The following USP42 variants were observed in gnomAD, a reference collection of about 807,000 sequenced individuals.
USP42 encodes ubiquitin carboxyl-terminal hydrolase 42.
USP42 carries 23 observed loss-of-function variants against 113.0 expected under a neutral mutation model. The observed-to-expected ratio is 0.20, with a 90% CI of 0.15 to 0.29. The LOEUF (loss-of-function observed/expected upper bound fraction) is 0.29. USP42 is among the 10% of genes least tolerant of loss of function. The probability of loss-of-function intolerance (pLI) is 1.00; values close to 1 mark genes in which losing one functional copy is unlikely to be tolerated. For missense variants in USP42, 2,174 were observed against 1,779.8 expected (o/e 1.22, Z -3.99); for synonymous variants, 933 against 699.0 (o/e 1.33, Z -5.28).
At position 6,157,946 on chromosome 7, in the gene USP42, G is replaced by A. The variant is rs754105113; in HGVS notation, c.3943+891G>A. Among the ~76,000 whole-genome samples, 4 of 152,156 alleles carry A rather than the reference G, an allele frequency of 2.6e-5. No homozygotes were observed. The highest frequency in any genetic ancestry group is 1.9e-4 in the East Asian group (1 of 5,186). ...CCTCTCCCGTTGGTGTCCGGTGACC[G>A]CTCACCCTCGAGAGGAGCTGTGAGC... On this transcript the variant is annotated intron_variant, in intron 16 of 17. Coordinates refer to ENST00000306177, the MANE Select transcript of USP42 (RefSeq NM_032172.3). This position sits in a 1 kb window ranked among gnomAD's most constrained non-coding sequence, Gnocchi z 4.1.
intron 6 of USP42, 113 bp downstream of exon 6, chr7:6,140,308 C>G (rs1781367175): frequency 3.1e-6 from 3 of 962,890 alleles, no homozygotes; most frequent in Non-Finnish European, 4.7e-6. Flanking sequence ...TCTCTCCAGC[C>G]CAGATTCTCA....
chr7:6,134,432 C>T (rs761867418), intron 3 of USP42, among the ~76,000 whole-genome samples: 1 of 152,038 alleles, frequency 6.6e-6, no homozygotes, highest in Non-Finnish European at 1.5e-5. Flanking sequence ...TTTTGTATTT[C>T]TTTAAAAAAT....
chr7:6,091,677 G>GCACACACACACACA, the USP42 span, among the ~76,000 whole-genome samples: 1 of 52,570 alleles, frequency 1.9e-5, no homozygotes, highest in Non-Finnish European at 4.5e-5. Flanking sequence ...CATTATGTTA[G>GCACACACACACACA]CATACACACA....
chr7:6,123,673 A>G (rs1374016508), intron 3 of USP42, among the ~76,000 whole-genome samples: 1 of 151,890 alleles, frequency 6.6e-6, no homozygotes, highest in East Asian at 1.9e-4. Context: ...AAAATAAAAA[A>G]TAAATAAAAA....
In USP42 at chr7:6,140,146, G is replaced by C. The variant is rs750242421; in HGVS notation, c.675G>C (p.Gln225His). The change falls in exon 6 of 18, where the codon CAG (glutamine) becomes CAC (histidine). Residue 225 changes from glutamine (Q) to histidine (H), a missense_variant. Physicochemically the swap from Gln to His is conservative, Grantham distance 24. Coordinates refer to ENST00000306177, the MANE Select transcript of USP42 (RefSeq NM_032172.3). Reference sequence around the variant, plus strand: ...TTTTCAGATTAGACAGACACACCCAGGCCACCACTCTTGTTTGTCAGATAT... The same window carrying C: ...TTTTCAGATTAGACAGACACACCCACGCCACCACTCTTGTTTGTCAGATAT... ...NGSNKLDRHTQATTLVCQIFG... is the reference protein window; with the variant it reads ...NGSNKLDRHTHATTLVCQIFG... The C allele has an allele frequency of 6.2e-7, 1 of 1,613,968 alleles. No individual in the cohort carries two copies. Among genetic ancestry groups the C allele is most frequent in the Admixed American group, 1.7e-5 (1 of 60,020 alleles).
rs770212506 is a variant in USP42 at position 6,111,281 on chromosome 7, C to T, written c.148C>T (p.His50Tyr). The T allele has an allele frequency of 6.2e-7, 1 of 1,607,110 alleles. No individual in the cohort carries two copies. The highest frequency in any genetic ancestry group is 2.2e-5 in the East Asian group (1 of 44,780). ...GTCTTCATTGAATGATGTGTCAAAT[C>T]ACACACTTTCTTTAGGACCAGTACC... is the stretch of plus-strand genomic sequence containing the variant. ...AVSSLNDVSN[H>Y]TLSLGPVPGA... Residue 50 changes from histidine to tyrosine, a missense_variant, in exon 2 of 18, where the codon CAC (histidine) becomes TAC (tyrosine). His to Tyr is a moderately conservative substitution (Grantham distance 83, BLOSUM62 2). Transcript: ENST00000306177.
At chr7:6,128,912 C>T (rs1287617230) in intron 3 of USP42, among the ~76,000 whole-genome samples, 1 of 151,120 alleles carries the variant, frequency 6.6e-6, no homozygotes, top group African/African-American at 2.4e-5. Context: ...CCTCAGTCTC[C>T]CAACCTCAAA....
intron 3 of USP42, among the ~76,000 whole-genome samples, chr7:6,119,779 C>G (rs568143915): frequency 6.6e-6 from 1 of 151,984 alleles, no homozygotes; most frequent in Non-Finnish European, 1.5e-5. Flanking sequence ...TCAGAGCTCA[C>G]TGCAGCCTTG....
At chr7:6,083,837 T>G in the USP42 span, among the ~76,000 whole-genome samples, 1 of 150,634 alleles carries the variant, frequency 6.6e-6, no homozygotes, top group East Asian at 1.9e-4. Flanking sequence ...TCAGAGCTGT[T>G]CGGGGAGAAG....
At chr7:6,132,600 C>CT (rs1479292007) in intron 3 of USP42, among the ~76,000 whole-genome samples, 1 of 152,090 alleles carries the variant, frequency 6.6e-6, no homozygotes, top group East Asian at 1.9e-4. Context: ...CTCAAGTGAT[C>CT]TACCCGCCTC....
At chr7:6,147,211 C>G (rs1050415411) in intron 11 of USP42, among the ~76,000 whole-genome samples, 2 of 152,178 alleles carry the variant, frequency 1.3e-5, no homozygotes, top group African/African-American at 2.4e-5. Flanking sequence ...TTGTTTCTAA[C>G]TTTTTTGGAC....
chr7:6,147,778 C>T lies in USP42; in HGVS notation c.1272C>T (p.Pro424=), dbSNP rs1281335843. Residue 424 remains proline (P), a synonymous_variant, in exon 12 of 18, where the codon CCC becomes CCT. Transcript: ENST00000306177. ...AAAATGGAGGTGAACTTACTCATCC[C>T]ACCCATAGCCCCGGCCAGTCCTCTC... ...DVKNGGELTH[P]THSPGQSSPR... The T allele has an allele frequency of 1.9e-6, 3 of 1,601,054 alleles. No homozygotes were observed. Among genetic ancestry groups the T allele is most frequent in the South Asian group, 2.2e-5 (2 of 89,874 alleles).
At position 6,146,162 on chromosome 7, in the gene USP42, C is replaced by G; in HGVS notation, c.1146C>G (p.Leu382=). ...CTCATTTATAGGCTAGCAATGGCCT[C>G]TGGTATCAAATGAATGACTCCATTG... ...YFCYIKASNG[L]WYQMNDSIVS... is the part of the protein sequence containing the mutation. Residue 382 remains leucine, a synonymous_variant, in exon 11 of 18, where the codon CTC becomes CTG. Coordinates refer to ENST00000306177, the MANE Select transcript of USP42 (RefSeq NM_032172.3). 6.3e-7 allele frequency: 1 copy of G among 1,595,958 alleles called. No individual in the cohort carries two copies. Among genetic ancestry groups the G allele is most frequent in the South Asian group, 1.1e-5 (1 of 87,380 alleles).
rs1206209918 is a variant in USP42, at chr7:6,153,768, A to T, written c.2214A>T (p.Ala738=). The T allele has an allele frequency of 6.8e-7, 1 of 1,467,786 alleles. No individual in the cohort carries two copies. The highest frequency in any genetic ancestry group is 1.5e-5 in the African/African-American group (1 of 68,742). 90.9% of individuals were successfully genotyped at this position (1,467,786 alleles called of 1,614,324 possible). Residue 738 remains alanine (A), a synonymous_variant, in exon 15 of 18, where the codon GCA becomes GCT. Coordinates refer to ENST00000306177, the MANE Select transcript of USP42 (RefSeq NM_032172.3). ...TTGGGGGCTGCAGTGCACCTGGAGC[A>T]GAGAGGGGCCCTCCCGAGGACCGCG... ...GSTDEMSAPG[A]ERGPPEDRDA...
At chr7:6,108,715 G>C (rs929169620) in intron 1 of USP42, among the ~76,000 whole-genome samples, 2 of 152,110 alleles carry the variant, frequency 1.3e-5, no homozygotes, top group African/African-American at 4.8e-5. Context: ...TCCTGACCTC[G>C]TGATCCACCC....
rs554329765 is a variant in USP42 at position 6,133,631 on chromosome 7, C to G, written c.443-2210C>G. Among the ~76,000 whole-genome samples, 13 of 152,006 alleles carry G rather than the reference C, an allele frequency of 8.6e-5. No individual in the cohort carries two copies. In the South Asian group the frequency reaches 2.1e-3, roughly 24 times the overall value. On this transcript the variant is annotated intron_variant, in intron 3 of 17. Transcript: ENST00000306177. Reference sequence around the variant, plus strand: ...CTGGGCTCAGGTGGTCCTCCCATCCCACATCAGCCTCTGGAGTAGCTGAGA... The same window carrying G: ...CTGGGCTCAGGTGGTCCTCCCATCCGACATCAGCCTCTGGAGTAGCTGAGA...
the USP42 span, among the ~76,000 whole-genome samples, chr7:6,085,903 G>A: frequency 7.3e-5 from 11 of 150,938 alleles, no homozygotes; most frequent in East Asian, 7.7e-4. Context: ...GTGAGCCACC[G>A]TGCCCAGCCT....
chr7:6,120,605 C>G (rs1220948151), intron 3 of USP42, among the ~76,000 whole-genome samples: 3 of 151,972 alleles, frequency 2.0e-5, no homozygotes, highest in Non-Finnish European at 2.9e-5. Context: ...TGGCCTAGGC[C>G]ATCTTTAGTT....
chr7:6,091,569 TG>T, the USP42 span, among the ~76,000 whole-genome samples: 1 of 150,608 alleles, frequency 6.6e-6, no homozygotes, highest in Admixed American at 6.6e-5. Flanking sequence ...ATACTATAAT[TG>T]GGTTTCTATT....
Sources: allele counts gnomAD v4.1 joint callset (sites outside exome capture counted in the v4.1 genomes callset), GRCh38; gene constraint gnomAD v4.1.1; non-coding constraint Gnocchi (gnomAD v3.1); transcripts MANE v1.5; gene names NCBI Gene and HGNC (gene_info 2026-07-23, HGNC 2026-07-21).